ACSM3: variants seen among roughly 807,000 people sequenced by gnomAD.
ACSM3 encodes acyl-coenzyme A synthetase ACSM3, mitochondrial.
ACSM3 carries 61 observed loss-of-function variants against 74.1 expected under a neutral mutation model. That is an observed-to-expected ratio of 0.82 (90% confidence interval 0.67 to 1.02). The LOEUF (loss-of-function observed/expected upper bound fraction) is 1.02, where lower values mean the gene tolerates loss of function less well. Ranked by LOEUF, ACSM3 falls within the 50% of genes least tolerant of loss-of-function variation. The probability of loss-of-function intolerance (pLI) is 0.00; values close to 1 mark genes in which losing one functional copy is unlikely to be tolerated. For synonymous variants in ACSM3, 213 were observed against 241.5 expected (o/e 0.88, Z 1.09); for missense variants, 660 against 697.0 (o/e 0.95, Z 0.60).
intron 1 of ACSM3, among the ~76,000 whole-genome samples, chr16:20,746,408 TTTAC>T (rs1456969613): frequency 3.4e-4 from 51 of 152,234 alleles, no homozygotes; most frequent in Non-Finnish European, 1.3e-4. Flanking sequence ...GTTGAATCCT[TTTAC>T]TTAGGAGACT....
intron 1 of ACSM3, among the ~76,000 whole-genome samples, chr16:20,744,057 G>A (rs536503328): frequency 1.1e-4 from 16 of 152,332 alleles, no homozygotes; most frequent in Middle Eastern, 3.4e-3. Flanking sequence ...CAGTCAACAT[G>A]TGGCCCAGGA....
upstream of ACSM3, among the ~76,000 whole-genome samples, chr16:20,759,708 C>G (rs1051771965): frequency 2.0e-5 from 3 of 152,126 alleles, no homozygotes; most frequent in Non-Finnish European, 4.4e-5. Context: ...TTTAATCTGG[C>G]TGTTCATCTG....
chr16:20,722,074 G>T (rs1345577253), intron 1 of ACSM3: 1 of 152,180 alleles, frequency 6.6e-6, no homozygotes, highest in Admixed American at 6.5e-5. Flanking sequence ...TTAAGGGTCT[G>T]GATCCTCATT....
chr16:20,741,774 C>T, intron 1 of ACSM3: 1 of 1,551,212 alleles, frequency 6.4e-7, no homozygotes, highest in Non-Finnish European at 8.7e-7. Context: ...AGAAACGTTT[C>T]TCCGCTGCTG....
intron 11 of ACSM3, 28 bp downstream of exon 11, chr16:20,792,157 G>A: frequency 6.2e-7 from 1 of 1,614,078 alleles, no homozygotes; most frequent in Non-Finnish European, 8.5e-7. Flanking sequence ...ATGTGCATAT[G>A]TCTGTGTTAA....
chr16:20,731,654 G>GT (rs543331839), intron 1 of ACSM3: 81 of 383,872 alleles, frequency 2.1e-4, no homozygotes, highest in African/African-American at 1.3e-3. Context: ...GCTCCATCCT[G>GT]TAAGTCCTAC....
intron 1 of ACSM3, chr16:20,718,470 C>G: frequency 2.2e-6 from 1 of 455,758 alleles, no homozygotes; most frequent in Middle Eastern, 3.3e-4. Context: ...GCAGCTTCAG[C>G]ATTGGGTTCA....
At chr16:20,731,274 C>G (rs2079828857) in intron 1 of ACSM3, among the ~76,000 whole-genome samples, 1 of 152,198 alleles carries the variant, frequency 6.6e-6, no homozygotes, top group South Asian at 2.1e-4. Flanking sequence ...CCCCCTGGTA[C>G]ATGCTTCTAG....
rs61034220 is a variant in ACSM3, at chr16:20,790,146, TA to T, written c.1225-438del. ...AGTAAATATATTTCTCTTAGGAATT[TA>T]AAGTATATTTAAAATATTTTTGGGC... On this transcript the variant is annotated intron_variant, in intron 9 of 13. Transcript: ENST00000289416. The surrounding 1 kb of genome is among the most constrained non-coding windows in gnomAD (Gnocchi z 4.0). Among the ~76,000 whole-genome samples the T allele has an allele frequency of 0.083, 12,697 of 152,194 alleles. 577 individuals carry two copies. The highest frequency in any genetic ancestry group is 0.13 in the East Asian group (684 of 5,176).
intron 1 of ACSM3, chr16:20,741,948 C>T: frequency 1.3e-6 from 2 of 1,531,876 alleles, no homozygotes. Context: ...CGCCTCCTGC[C>T]CCGCCTCCCG....
intron 3 of ACSM3, 36 bp from the exon 4 acceptor site, chr16:20,777,337 T>C: frequency 2.6e-6 from 4 of 1,552,364 alleles, no homozygotes; most frequent in South Asian, 1.1e-5. Flanking sequence ...AAGAATAACA[T>C]TTCTTCTAAA....
chr16:20,772,645 C>G (rs1443898307), intron 2 of ACSM3, among the ~76,000 whole-genome samples: 1 of 152,074 alleles, frequency 6.6e-6, no homozygotes, highest in African/African-American at 2.4e-5. Flanking sequence ...TTCTTGGCAC[C>G]TTTGTTGAAA....
At chr16:20,728,498 A>G (rs2079814568) in intron 1 of ACSM3, 1 of 1,059,138 alleles carries the variant, frequency 9.4e-7, no homozygotes, top group Non-Finnish European at 1.4e-6. Context: ...TGATATGAGG[A>G]TAGAAAGTGC....
chr16:20,691,304 GT>G (rs1440124623), intron 1 of ACSM3: 29 of 876,670 alleles, frequency 3.3e-5, no homozygotes, highest in Non-Finnish European at 4.6e-5. Context: ...TTGGGTGCAT[GT>G]TTTTGGTTAA....
chr16:20,741,361 G>T, intron 1 of ACSM3: 1 of 990,958 alleles, frequency 1.0e-6, no homozygotes. Flanking sequence ...TCAGGACTAG[G>T]GACGGAAACG....
At chr16:20,741,482 C>CGCG in intron 1 of ACSM3, 1 of 160,352 alleles carries the variant, frequency 6.2e-6, no homozygotes, top group Non-Finnish European at 1.3e-5. Context: ...TGGCAGCCGG[C>CGCG]CCGCCCGCCC....
At position 20,764,123 on chromosome 16, in the gene ACSM3, C is replaced by T. The variant is rs1344671360; in HGVS notation, c.-54C>T. 2 of 152,234 alleles carry T rather than the reference C, an allele frequency of 1.3e-5. No homozygotes were observed. Among genetic ancestry groups the T allele is most frequent in the African/African-American group, 4.8e-5 (2 of 41,454 alleles). 9.4% of individuals were successfully genotyped at this position (152,234 alleles called of 1,614,324 possible). A position where few individuals can be genotyped will look rare whatever the true frequency, so the allele number is the denominator to read the frequency against. ...CTCCATCTGTGTTGGAATCTGTTAA[C>T]TAGTGAGTACCTCATCTCCCCTCCT... On this transcript the variant is annotated splice_region_variant and 5_prime_UTR_variant, in exon 1 of 14. Coordinates refer to ENST00000289416, the MANE Select transcript of ACSM3 (RefSeq NM_005622.4).
rs554041477 is a variant in ACSM3, at chr16:20,785,106, C to T, written c.1142C>T (p.Thr381Met). Residue 381 changes from threonine to methionine, a missense_variant and splice_region_variant, in exon 8 of 14, where the codon ACG becomes ATG. Physicochemically the swap from Thr to Met is moderately conservative, Grantham distance 81. Transcript: ENST00000289416. ...TACGAAGGATATGGACAGACTGAAA[C>T]GGTACCTGACCTCACTGAAAAGACA... ...DIYEGYGQTE[T>M]VLICGNFKGM... 91 of 1,612,768 alleles carry T rather than the reference C, an allele frequency of 5.6e-5. No homozygotes were observed. The East Asian group carries it at 1.2e-3, about 21-fold the overall frequency.
intron 1 of ACSM3, among the ~76,000 whole-genome samples, chr16:20,696,555 A>G (rs901656697): frequency 1.3e-5 from 2 of 152,272 alleles, no homozygotes; most frequent in Non-Finnish European, 2.9e-5. Context: ...TACCATGTAC[A>G]GTTTTAGATA....
Sources: allele counts gnomAD v4.1 joint callset (sites outside exome capture counted in the v4.1 genomes callset), GRCh38; gene constraint gnomAD v4.1.1; non-coding constraint Gnocchi (gnomAD v3.1); transcripts MANE v1.5; gene names NCBI Gene and HGNC (gene_info 2026-07-23, HGNC 2026-07-21).